Variants in ECE1 observed in about 807,000 individuals in gnomAD.
ECE1 encodes endothelin-converting enzyme 1.
In ECE1, 35 loss-of-function variants were observed where a neutral mutation model predicts 98.6. That is an observed-to-expected ratio of 0.35 (90% confidence interval 0.27 to 0.47). The LOEUF (loss-of-function observed/expected upper bound fraction) is 0.47. Among genes scored for constraint, ECE1 ranks in the 20% least tolerant of loss-of-function variants. The probability of loss-of-function intolerance (pLI) is 1.00; values close to 1 mark genes in which losing one functional copy is unlikely to be tolerated. For missense variants in ECE1, 814 were observed against 1,025.3 expected (o/e 0.79, Z 2.81); for synonymous variants, 394 against 407.1 (o/e 0.97, Z 0.39).
At chr1:21,267,461 T>A (rs1301710559) in intron 4 of ECE1, among the ~76,000 whole-genome samples, 1 of 152,130 alleles carries the variant, frequency 6.6e-6, no homozygotes, top group Non-Finnish European at 1.5e-5. Context: ...CTCCCATTTT[T>A]AAAACCATAA....
chr1:21,301,911 C>G lies in ECE1; in HGVS notation c.4-11755G>C, dbSNP rs371647656. 2.0e-5 allele frequency among the ~76,000 whole-genome samples: 3 copies of G among 151,792 alleles called. No homozygotes were observed. The East Asian group carries it at 5.8e-4, about 29-fold the overall frequency. On this transcript the variant is annotated intron_variant, in intron 1 of 18. Transcript: ENST00000415912. ...TGTGATGCCAGGCCCTCACCACAAC[C>G]CTGTGTGGTAGGTAGCACTGTTCCC...
chr1:21,324,233 C>T (rs1021969412), intron 1 of ECE1, among the ~76,000 whole-genome samples: 1 of 152,156 alleles, frequency 6.6e-6, no homozygotes, highest in East Asian at 1.9e-4. Context: ...ACCTCCTGGG[C>T]TCAAGCGATC....
At position 21,225,013 on chromosome 1, in the gene ECE1, T is replaced by C. The variant is rs1336208173; in HGVS notation, c.2040+237A>G. ...CGGATGAAGCCCGAGCCCCTTCCTG[T>C]GTCTTTGTCAGGCCAGACTCAGAGC... On this transcript the variant is annotated intron_variant, in intron 17 of 18. Coordinates refer to ENST00000374893, the MANE Select transcript of ECE1 (RefSeq NM_001397.3). This position sits in a 1 kb window ranked among gnomAD's most constrained non-coding sequence, Gnocchi z 5.3. Among the ~76,000 whole-genome samples, 1 of 152,230 alleles carries C rather than the reference T, an allele frequency of 6.6e-6. No homozygotes were observed. The highest frequency in any genetic ancestry group is 1.5e-5 in the Non-Finnish European group (1 of 68,034).
At chr1:21,284,499 A>G (rs962579810) in intron 2 of ECE1, among the ~76,000 whole-genome samples, 2 of 152,336 alleles carry the variant, frequency 1.3e-5, no homozygotes, top group African/African-American at 4.8e-5. Flanking sequence ...AGAATGAGAC[A>G]AAGAAATGAG....
chr1:21,329,462 G>A (rs939360830), intron 1 of ECE1, among the ~76,000 whole-genome samples: 5 of 152,180 alleles, frequency 3.3e-5, no homozygotes, highest in African/African-American at 1.2e-4. Flanking sequence ...TTAGATTGAG[G>A]TGCAAATTCC....
chr1:21,262,472 A>C (rs904118874), intron 4 of ECE1, among the ~76,000 whole-genome samples: 4 of 152,122 alleles, frequency 2.6e-5, no homozygotes, highest in Admixed American at 6.5e-5. Flanking sequence ...GAGAATCGTC[A>C]TTGCTCCCCA....
chr1:21,272,665 G>A (rs1177011384), intron 4 of ECE1, 34 bp downstream of exon 4: 1 of 1,612,984 alleles, frequency 6.2e-7, no homozygotes, highest in East Asian at 2.2e-5. Context: ...TCCCCGCTGT[G>A]GCCCATTTAT....
rs1375884795 is a variant in ECE1, at chr1:21,307,245, T to C, written c.4-17089A>G. On this transcript the variant is annotated intron_variant, in intron 1 of 18. Coordinates refer to the ECE1 transcript ENST00000415912. This position sits in a 1 kb window ranked among gnomAD's most constrained non-coding sequence, Gnocchi z 4.2. ...CGGGCTCGTTCCCTTTAATTCACTT[T>C]TGCTCTTCACAGCGACTCTGGGGGG... is the stretch of plus-strand genomic sequence containing the variant. Among the ~76,000 whole-genome samples, 2 of 152,224 alleles carry C rather than the reference T, an allele frequency of 1.3e-5. No homozygotes were observed. The highest frequency in any genetic ancestry group is 4.8e-5 in the African/African-American group (2 of 41,454).
chr1:21,342,554 A>C (rs1639419418), intron 1 of ECE1, among the ~76,000 whole-genome samples: 1 of 151,884 alleles, frequency 6.6e-6, no homozygotes, highest in South Asian at 2.1e-4. Context: ...CATCAGGGAG[A>C]TTCAGTGAGG....
At chr1:21,226,126 C>T (rs1050833992) in intron 16 of ECE1, among the ~76,000 whole-genome samples, 9 of 152,190 alleles carry the variant, frequency 5.9e-5, no homozygotes, top group Admixed American at 1.3e-4. Context: ...CATCTCCGCC[C>T]GGGAGTGCCC....
At chr1:21,222,940 G>C (rs1353296985) in intron 17 of ECE1, among the ~76,000 whole-genome samples, 1 of 151,088 alleles carries the variant, frequency 6.6e-6, no homozygotes, top group East Asian at 2.0e-4. Flanking sequence ...CTCACAGCTA[G>C]ATTCGGCCCA....
chr1:21,331,042 G>A (rs1055552931), intron 1 of ECE1, among the ~76,000 whole-genome samples: 8 of 152,146 alleles, frequency 5.3e-5, no homozygotes, highest in African/African-American at 1.9e-4. Flanking sequence ...TTGGGGGTCC[G>A]AGGCAGGACG....
intron 17 of ECE1, among the ~76,000 whole-genome samples, chr1:21,223,875 G>A (rs2098170486): frequency 6.6e-6 from 1 of 152,230 alleles, no homozygotes; most frequent in African/African-American, 2.4e-5. Context: ...TGGGATTATA[G>A]GCATGAGCCA....
At chr1:21,344,280 C>T (rs1166047635) in intron 1 of ECE1, among the ~76,000 whole-genome samples, 3 of 152,252 alleles carry the variant, frequency 2.0e-5, no homozygotes, top group South Asian at 2.1e-4. Flanking sequence ...CCCATCCAGG[C>T]GCCCTCGGGC....
At chr1:21,297,849 T>G (rs1473242647) in intron 1 of ECE1, among the ~76,000 whole-genome samples, 2 of 150,436 alleles carry the variant, frequency 1.3e-5, no homozygotes, top group Non-Finnish European at 3.0e-5. Flanking sequence ...GTTGTTTTTT[T>G]TTTTAAGAGA....
chr1:21,308,891 A>G lies in ECE1; in HGVS notation c.4-18735T>C, dbSNP rs141009778. On this transcript the variant is annotated intron_variant, in intron 1 of 18. Coordinates refer to the ECE1 transcript ENST00000415912. ...TTTAAAACTCCCCAGTACCTGGGCT[A>G]TGAGCCACAGCTTCTTAAAGTTCCC... 3.2e-3 allele frequency among the ~76,000 whole-genome samples: 484 copies of G among 152,310 alleles called. 3 individuals are homozygous for G. The highest frequency in any genetic ancestry group is 0.011 in the African/African-American group (467 of 41,574).
Position 21,225,012 on chromosome 1 carries a change from G to A in ECE1, c.2040+238C>T, listed in dbSNP as rs1275054767. Among the ~76,000 whole-genome samples the A allele has an allele frequency of 2.0e-5, 3 of 152,224 alleles. No individual in the cohort carries two copies. Among genetic ancestry groups the A allele is most frequent in the African/African-American group, 7.2e-5 (3 of 41,468 alleles). On this transcript the variant is annotated intron_variant, in intron 17 of 18. Coordinates refer to ENST00000374893, the MANE Select transcript of ECE1 (RefSeq NM_001397.3). This position sits in a 1 kb window ranked among gnomAD's most constrained non-coding sequence, Gnocchi z 5.3. The stretch of plus-strand genomic sequence containing the variant: ...GCGGATGAAGCCCGAGCCCCTTCCT[G>A]TGTCTTTGTCAGGCCAGACTCAGAG...
In ECE1 at chr1:21,238,259, T is replaced by C. The variant is rs1573947857; in HGVS notation, c.1279-15A>G. The C allele has an allele frequency of 1.2e-6, 2 of 1,604,374 alleles. No homozygotes were observed. The highest frequency in any genetic ancestry group is 2.7e-5 in the African/African-American group (2 of 74,760). On this transcript the variant is annotated splice_polypyrimidine_tract_variant and intron_variant, in intron 10 of 18. Coordinates refer to ENST00000374893, the MANE Select transcript of ECE1 (RefSeq NM_001397.3). ...GGAAGACAGGTCTGGAAAACACAAG[T>C]CAGGGGGCTCGCTGGGCCCCAGCCC...
In ECE1 at chr1:21,258,686, A is replaced by G. The variant is rs746553835; in HGVS notation, c.762+7T>C. On this transcript the variant is annotated splice_region_variant and intron_variant, in intron 6 of 18. Transcript: ENST00000374893. This position sits in a 1 kb window ranked among gnomAD's most constrained non-coding sequence, Gnocchi z 4.2. ...CCCTCGACCGCTGCAGGTTCAAGCT[A>G]GCTCACCTGGATCACGTTGCTGTTG... 9 of 1,614,116 alleles carry G rather than the reference A, an allele frequency of 5.6e-6. No homozygotes were observed. Among genetic ancestry groups the G allele is most frequent in the South Asian group, 4.4e-5 (4 of 91,076 alleles).
Sources: allele counts gnomAD v4.1 joint callset (sites outside exome capture counted in the v4.1 genomes callset), GRCh38; gene constraint gnomAD v4.1.1; non-coding constraint Gnocchi (gnomAD v3.1); transcripts MANE v1.5; gene names NCBI Gene and HGNC (gene_info 2026-07-23, HGNC 2026-07-21).